The following CEP112 variants were observed in gnomAD, a reference collection of about 807,000 sequenced individuals.
CEP112 encodes centrosomal protein 112.
A neutral mutation model predicts 153.0 loss-of-function variants in CEP112; 127 were observed. The ratio of observed to expected loss-of-function variants is 0.83; its 90% CI spans 0.72 to 0.96. The LOEUF is 0.96. Ranked by LOEUF, CEP112 falls within the 40% of genes least tolerant of loss-of-function variation. The pLI is 0.00. For synonymous variants in CEP112, 358 were observed against 374.4 expected, an observed-to-expected ratio of 0.96 and a Z score of 0.51; for missense variants, 1,089 against 1,101.2, an observed-to-expected ratio of 0.99 and a Z score of 0.16.
At chr17:66,056,775 T>C (rs2066708611) in intron 11 of CEP112, among the ~76,000 whole-genome samples, 1 of 152,154 alleles carries the variant, frequency 6.6e-6, no homozygotes, top group Non-Finnish European at 1.5e-5. Flanking sequence ...GGTTTCTTTC[T>C]AGGGCAATGA....
intron 4 of CEP112, among the ~76,000 whole-genome samples, chr17:66,148,597 A>G (rs2071026043): frequency 6.6e-6 from 1 of 152,164 alleles, no homozygotes. Flanking sequence ...ATTCCTAAGT[A>G]ATTTATTCTT....
intron 20 of CEP112, among the ~76,000 whole-genome samples, chr17:65,882,061 A>G (rs2059097979): frequency 1.3e-5 from 2 of 152,240 alleles, no homozygotes; most frequent in Non-Finnish European, 2.9e-5. Context: ...ATAATTTTGT[A>G]CTTACTGAAA....
At chr17:65,636,276 A>G (rs2044764290) in intron 26 of CEP112, among the ~76,000 whole-genome samples, 1 of 152,208 alleles carries the variant, frequency 6.6e-6, no homozygotes, top group African/African-American at 2.4e-5. Flanking sequence ...AACACAATCT[A>G]TGTTAGTGAT....
intron 4 of CEP112, among the ~76,000 whole-genome samples, chr17:66,149,111 T>C (rs927878401): frequency 6.6e-6 from 1 of 152,270 alleles, no homozygotes; most frequent in African/African-American, 2.4e-5. Context: ...CCTTTGATTC[T>C]GTTAATGCTA....
At chr17:66,033,889 A>C (rs535216299) in intron 12 of CEP112, among the ~76,000 whole-genome samples, 8 of 152,328 alleles carry the variant, frequency 5.3e-5, no homozygotes, top group Middle Eastern at 3.4e-3. Context: ...TTATCAAAAC[A>C]GCTGACCTTG....
At chr17:66,180,199 G>A (rs1006371582) in intron 2 of CEP112, among the ~76,000 whole-genome samples, 12 of 151,918 alleles carry the variant, frequency 7.9e-5, no homozygotes, top group South Asian at 6.2e-4. Context: ...TACTGGCCTC[G>A]CAGAATGACT....
chr17:65,880,997 A>G (rs1421775315), intron 20 of CEP112, among the ~76,000 whole-genome samples: 4 of 152,296 alleles, frequency 2.6e-5, no homozygotes, highest in African/African-American at 9.6e-5. Context: ...AGGGCAGATC[A>G]CAAGGTCAGG....
chr17:66,039,836 T>C (rs983989036), intron 12 of CEP112, among the ~76,000 whole-genome samples: 16 of 152,186 alleles, frequency 1.1e-4, no homozygotes, highest in Non-Finnish European at 2.1e-4. Context: ...TCACACAGTA[T>C]GTAACTTTTT....
At chr17:65,691,092 A>G (rs1598324351) in intron 23 of CEP112, among the ~76,000 whole-genome samples, 1 of 152,132 alleles carries the variant, frequency 6.6e-6, no homozygotes, top group Non-Finnish European at 1.5e-5. Flanking sequence ...AGAGAGAGGA[A>G]AAAACAGGAC....
intron 4 of CEP112, among the ~76,000 whole-genome samples, chr17:66,151,793 A>G (rs757883285): frequency 3.8e-4 from 58 of 152,202 alleles, no homozygotes; most frequent in Non-Finnish European, 6.3e-4. Flanking sequence ...TTCTCCCCCA[A>G]TCTAGACTTC....
At chr17:65,652,825 G>A (rs1342581587) in intron 24 of CEP112, among the ~76,000 whole-genome samples, 1 of 152,138 alleles carries the variant, frequency 6.6e-6, no homozygotes, top group Admixed American at 6.5e-5. Context: ...GTCTTAGTTT[G>A]GGCTGCTATA....
intron 20 of CEP112, among the ~76,000 whole-genome samples, chr17:65,858,061 C>G (rs559701210): frequency 6.6e-6 from 1 of 152,176 alleles, no homozygotes; most frequent in African/African-American, 2.4e-5. Flanking sequence ...GCATTCTCTA[C>G]AACTTGGTGA....
chr17:65,881,235 CCAAA>C (rs1249730283), intron 20 of CEP112, among the ~76,000 whole-genome samples: 1 of 151,958 alleles, frequency 6.6e-6, no homozygotes, highest in Non-Finnish European at 1.5e-5. Flanking sequence ...AAACAAACAC[CCAAA>C]CAAACCCCCA....
At position 66,132,797 on chromosome 17, in the gene CEP112, G is replaced by A. The variant is rs762696782; in HGVS notation, c.471-34C>T. ...CCAAAATAATCGCAATCACAATTTG[G>A]AGAATTCAGAGGACACAGAGTATTA... On this transcript the variant is annotated intron_variant, in intron 4 of 26. Coordinates refer to ENST00000535342, the MANE Select transcript of CEP112 (RefSeq NM_001199165.4). 1.5e-5 allele frequency: 20 copies of A among 1,309,774 alleles called. No individual in the cohort carries two copies. In the African/African-American group the frequency reaches 2.5e-4, roughly 16 times the overall value. 81.1% of individuals were successfully genotyped at this position (1,309,774 alleles called of 1,614,324 possible).
At chr17:65,669,886 G>C (rs2046893491) in intron 24 of CEP112, among the ~76,000 whole-genome samples, 1 of 144,378 alleles carries the variant, frequency 6.9e-6, no homozygotes, top group Non-Finnish European at 1.5e-5. Flanking sequence ...CTGGGCGACA[G>C]AGCGAGACTT....
At position 65,902,315 on chromosome 17, in the gene CEP112, T is replaced by G. The variant is rs748223257; in HGVS notation, c.2000A>C (p.Glu667Ala). ...YEQQIVELKL[E>A]HEQEKTHLLQ... ...TAGGTGCGTCTTCTCCTGTTCATGC[T>G]CCAGCTTCAGCTCTACTATCTGATT... Residue 667 changes from glutamate to alanine, a missense_variant, in exon 20 of 27, where the codon GAG becomes GCG. Transcript: ENST00000535342. The G allele has an allele frequency of 7.9e-5, 127 of 1,613,168 alleles. No individual in the cohort carries two copies. Among genetic ancestry groups the G allele is most frequent in the Non-Finnish European group, 1.0e-4 (119 of 1,179,766 alleles).
intron 19 of CEP112, among the ~76,000 whole-genome samples, chr17:65,912,027 T>C (rs980778502): frequency 6.6e-6 from 1 of 152,168 alleles, no homozygotes; most frequent in African/African-American, 2.4e-5. Flanking sequence ...GTGGTCTCTC[T>C]TAAAACAAAC....
At chr17:66,151,452 C>T (rs751236770) in intron 4 of CEP112, among the ~76,000 whole-genome samples, 46 of 152,210 alleles carry the variant, frequency 3.0e-4, no homozygotes, top group Non-Finnish European at 4.6e-4. Flanking sequence ...GTATGCATGC[C>T]CATGTGGTAT....
Position 66,016,183 on chromosome 17 carries a change from C to T in CEP112, c.1657-10414G>A, listed in dbSNP as rs184226133. On this transcript the variant is annotated intron_variant, in intron 16 of 26. Transcript: ENST00000535342. The stretch of plus-strand genomic sequence containing the variant: ...TGGTGAATTTTTAAACATTTTCTTC[C>T]GGAGTAACACATTTTCAGGAGAAAC... 8.9e-4 allele frequency among the ~76,000 whole-genome samples: 136 copies of T among 152,200 alleles called. 3 individuals are homozygous for T. The highest frequency in any genetic ancestry group is 8.9e-3 in the South Asian group (43 of 4,822).
Sources: gnomAD v4.1 joint callset for allele counts (sites outside exome capture counted in the v4.1 genomes callset) on GRCh38, gnomAD v4.1.1 for gene constraint, MANE v1.5 for transcripts, NCBI Gene and HGNC (gene_info 2026-07-23, HGNC 2026-07-21) for gene names.